DNAH10: variants seen among roughly 807,000 people sequenced by gnomAD.
DNAH10 encodes the protein axonemal beta dynein heavy chain 10.
Under a neutral mutation model 506.6 loss-of-function variants are expected in DNAH10, and 348 were observed. The ratio of observed to expected loss-of-function variants is 0.69; its 90% CI spans 0.63 to 0.75. DNAH10 has a LOEUF of 0.75. Ranked by LOEUF, DNAH10 falls within the 30% of genes least tolerant of loss-of-function variation. The pLI is 0.00. For synonymous variants in DNAH10, 2,059 were observed against 2,198.6 expected, an observed-to-expected ratio of 0.94 and a Z score of 1.78; for missense variants, 5,179 against 5,787.1, an observed-to-expected ratio of 0.89 and a Z score of 3.41.
At position 123,916,946 on chromosome 12, in the gene DNAH10, G is replaced by A. The variant is rs1257284589; in HGVS notation, c.11002+210G>A. On this transcript the variant is annotated intron_variant, in intron 63 of 78. Coordinates refer to ENST00000673944, the MANE Select transcript of DNAH10 (RefSeq NM_001372106.1). The surrounding 1 kb of genome is among the most constrained non-coding windows in gnomAD (Gnocchi z 4.6). ...CCTGTCATGAGTCACGCTGAGACGG[G>A]GCCGTGGGCTTATGTGTTCACACAT... Among the ~76,000 whole-genome samples the A allele has an allele frequency of 6.6e-6, 1 of 152,206 alleles. No homozygotes were observed. Among genetic ancestry groups the A allele is most frequent in the East Asian group, 1.9e-4 (1 of 5,200 alleles).
intron 30 of DNAH10, among the ~76,000 whole-genome samples, chr12:123,844,293 G>A (rs916591613): frequency 6.6e-6 from 1 of 152,148 alleles, no homozygotes; most frequent in Non-Finnish European, 1.5e-5. Context: ...GGATTATGGG[G>A]ATTACAATTT....
rs1566309965 is a variant in DNAH10, at chr12:123,767,628, AG to A, written c.238del (p.Glu80ArgfsTer26). The A allele has an allele frequency of 6.2e-7, 1 of 1,612,806 alleles. No individual in the cohort carries two copies. The highest frequency in any genetic ancestry group is 1.1e-5 in the South Asian group (1 of 90,742). Reference protein sequence around the residue: ...EIDEIPVLSEEGEEEEETYSQ... With the variant: ...EIDEIPVLSEXGEEEEETYSQ... ...AAGATGAGATACCTGTCCTGTCTGAAGAGGGAGAAGAGGAAGAAGAGACTTA... is the reference window on the plus strand; with the variant it reads ...AAGATGAGATACCTGTCCTGTCTGAAAGGGAGAAGAGGAAGAAGAGACTTA... On this transcript the variant is annotated frameshift_variant, in exon 2 of 79. Coordinates refer to ENST00000673944, the MANE Select transcript of DNAH10 (RefSeq NM_001372106.1). LOFTEE classifies it high-confidence loss of function.
chr12:123,929,206 A>G, intron 70 of DNAH10, 69 bp from the exon 71 acceptor site: 1 of 1,474,638 alleles, frequency 6.8e-7, no homozygotes, highest in Non-Finnish European at 9.3e-7. Context: ...CAGTGCCTGC[A>G]TTGTGCACAC....
chr12:123,935,087 G>A lies in DNAH10; in HGVS notation c.13624-248G>A, dbSNP rs187706635. On this transcript the variant is annotated intron_variant, in intron 78 of 78. Coordinates refer to ENST00000673944, the MANE Select transcript of DNAH10 (RefSeq NM_001372106.1). ...TTGCCTGAGTCATAAAGTGGTTCCC[G>A]CTGGTGTGGACAGCAGATGTCTTCT... 29 of 598,154 alleles carry A rather than the reference G, an allele frequency of 4.8e-5. No homozygotes were observed. In the East Asian group the frequency reaches 5.5e-4, roughly 11 times the overall value. The allele number at this position is 598,154 out of a possible 1,614,324, so 37.1% of individuals were successfully genotyped here.
At chr12:123,924,106 G>A in intron 66 of DNAH10, 172 bp from the exon 67 acceptor site, 1 of 892,712 alleles carries the variant, frequency 1.1e-6, no homozygotes, top group Non-Finnish European at 1.7e-6. Flanking sequence ...ATGCTGCACT[G>A]AGCGCCTGGT....
At chr12:123,858,928 A>G (rs1302457277) in intron 37 of DNAH10, among the ~76,000 whole-genome samples, 1 of 152,130 alleles carries the variant, frequency 6.6e-6, no homozygotes, top group Non-Finnish European at 1.5e-5. Context: ...GCTGGGGGAA[A>G]GGGGATTGGG....
In DNAH10 at chr12:123,846,134, A is replaced by G. The variant is rs369039765; in HGVS notation, c.5794A>G (p.Ile1932Val). 4 of 1,613,162 alleles carry G rather than the reference A, an allele frequency of 2.5e-6. No individual in the cohort carries two copies. The highest frequency in any genetic ancestry group is 2.7e-5 in the African/African-American group (2 of 74,982). The change falls in exon 32 of 79, where the codon ATT becomes GTT. Residue 1932 changes from isoleucine to valine, a missense_variant. This residue lies in a region of DNAH10 where 4,844 missense variants were observed against 5,430.5 expected (regional missense o/e 0.89). Coordinates refer to ENST00000673944, the MANE Select transcript of DNAH10 (RefSeq NM_001372106.1). This position sits in a 1 kb window ranked among gnomAD's most constrained non-coding sequence, Gnocchi z 4.5. Reference protein sequence around the residue: ...RLVITPLTDRIYLTLTQALSM... With the variant: ...RLVITPLTDRVYLTLTQALSM... Reference sequence around the variant, plus strand: ...GGTCATCACGCCCCTCACCGATCGGATTTACCTGACGCTCACCCAGGTGAC... The same window carrying G: ...GGTCATCACGCCCCTCACCGATCGGGTTTACCTGACGCTCACCCAGGTGAC...
At chr12:123,797,240 G>C (rs1170925787) in intron 13 of DNAH10, among the ~76,000 whole-genome samples, 1 of 152,174 alleles carries the variant, frequency 6.6e-6, no homozygotes, top group Non-Finnish European at 1.5e-5. Context: ...ATTAGATCAG[G>C]CTGCTGCCGC....
intron 51 of DNAH10, chr12:123,882,215 G>T: frequency 6.3e-6 from 1 of 158,430 alleles, no homozygotes; most frequent in Non-Finnish European, 1.4e-5. Context: ...AAGTTAGAAA[G>T]TCAAATACAA....
chr12:123,904,030 C>G (rs1325858416), intron 57 of DNAH10, among the ~76,000 whole-genome samples: 1 of 152,232 alleles, frequency 6.6e-6, no homozygotes, highest in South Asian at 2.1e-4. Flanking sequence ...TTCTCTGCCT[C>G]TGTGCTGCCT....
At chr12:123,775,150 C>T (rs1312794898) in intron 5 of DNAH10, among the ~76,000 whole-genome samples, 2 of 152,170 alleles carry the variant, frequency 1.3e-5, no homozygotes, top group Non-Finnish European at 2.9e-5. Flanking sequence ...CAGGGTCTCT[C>T]CGCCATCCAG....
In DNAH10 at chr12:123,788,149, C is replaced by T. The variant is rs1218617188; in HGVS notation, c.1620+147C>T. 4 of 945,390 alleles carry T rather than the reference C, an allele frequency of 4.2e-6. No homozygotes were observed. The Admixed American group carries it at 1.0e-4, about 24-fold the overall frequency. The allele number at this position is 945,390 out of a possible 1,614,324, so 58.6% of individuals were successfully genotyped here. On this transcript the variant is annotated intron_variant, in intron 10 of 78. Transcript: ENST00000673944. The stretch of plus-strand genomic sequence containing the variant: ...TCAAAGAAAGAACCTACGGAATATA[C>T]TAGAATGTACCAGAATGGACCAGAG...
In DNAH10 at chr12:123,873,688, T is replaced by C; in HGVS notation, c.7916T>C (p.Met2639Thr). Residue 2639 changes from methionine (M) to threonine (T), a missense_variant, in exon 46 of 79, where the codon ATG becomes ACG. Around this residue, in one of 3 missense-constraint regions of DNAH10, gnomAD observed 4,844 missense variants for 5,430.5 expected, o/e 0.89. Coordinates refer to ENST00000673944, the MANE Select transcript of DNAH10 (RefSeq NM_001372106.1). ...ATGGGAAAACGCCTGCTGGTGTTCA[T>C]GGATGACATGAATATGCCAAGGGTA... ...PPMGKRLLVF[M>T]DDMNMPRVDE... 1.9e-6 allele frequency: 3 copies of C among 1,611,494 alleles called. No homozygotes were observed. The highest frequency in any genetic ancestry group is 2.5e-6 in the Non-Finnish European group (3 of 1,178,732).
intron 38 of DNAH10, 123 bp from the exon 39 acceptor site, chr12:123,860,889 A>G (rs1396867329): frequency 5.5e-6 from 7 of 1,276,038 alleles, no homozygotes; most frequent in East Asian, 2.4e-5. Flanking sequence ...AAGAGTTTGC[A>G]TGGGTTGCAT....
intron 25 of DNAH10, among the ~76,000 whole-genome samples, chr12:123,828,015 C>G (rs1404422708): frequency 1.3e-5 from 2 of 152,206 alleles, no homozygotes; most frequent in Non-Finnish European, 2.9e-5. Context: ...TTGGTCCTGT[C>G]TCATCATTTT....
At chr12:123,838,077 C>T (rs1186005685) in intron 28 of DNAH10, among the ~76,000 whole-genome samples, 1 of 152,100 alleles carries the variant, frequency 6.6e-6, no homozygotes, top group African/African-American at 2.4e-5. Flanking sequence ...ACAAATTGCT[C>T]ACAGTGGAAT....
At chr12:123,875,180 C>G in intron 46 of DNAH10, 51 bp from the exon 47 acceptor site, 3 of 1,552,230 alleles carry the variant, frequency 1.9e-6, no homozygotes, top group Non-Finnish European at 2.6e-6. Context: ...GCCTCTCTGA[C>G]TCCTACTTTG....
intron 12 of DNAH10, 25 bp downstream of exon 12, chr12:123,794,137 A>G (rs570700225): frequency 4.0e-5 from 46 of 1,145,950 alleles, no homozygotes; most frequent in Non-Finnish European, 5.0e-5. Context: ...GATAGCTGCC[A>G]TAGCATTAAA....
In DNAH10 at chr12:123,933,633, A is replaced by AGCCT. The variant is rs1436275167; in HGVS notation, c.13477+125_13477+128dup. 28 of 1,128,306 alleles carry AGCCT rather than the reference A, an allele frequency of 2.5e-5. No individual in the cohort carries two copies. The East Asian group carries it at 7.4e-4, about 30-fold the overall frequency. The allele number at this position is 1,128,306 out of a possible 1,614,324, so 69.9% of individuals were successfully genotyped here. A position where few individuals can be genotyped will look rare whatever the true frequency, so the allele number is the denominator to read the frequency against. ...ATGGGCCAGGCCATGTTTGAAAGCCAGCCTGCTGCAAATATTTCCTGTGTC... is the reference window on the plus strand; with the variant it reads ...ATGGGCCAGGCCATGTTTGAAAGCCAGCCTGCCTGCTGCAAATATTTCCTGTGTC... On this transcript the variant is annotated intron_variant, in intron 77 of 78. Coordinates refer to ENST00000673944, the MANE Select transcript of DNAH10 (RefSeq NM_001372106.1).
Sources: allele counts gnomAD v4.1 joint callset (sites outside exome capture counted in the v4.1 genomes callset), GRCh38; gene constraint gnomAD v4.1.1; regional missense constraint gnomAD v4.1.1; non-coding constraint Gnocchi (gnomAD v3.1); transcripts MANE v1.5; gene names NCBI Gene and HGNC (gene_info 2026-07-23, HGNC 2026-07-21).